The following ZNF623 variants were observed in gnomAD, a reference collection of about 807,000 sequenced individuals.
ZNF623 encodes zinc finger protein 623.
In ZNF623, 16 loss-of-function variants were observed where a neutral mutation model predicts 24.0. The ratio of observed to expected loss-of-function variants is 0.67; its 90% CI spans 0.45 to 1.01. The LOEUF (loss-of-function observed/expected upper bound fraction) is 1.01. Ranked by LOEUF, ZNF623 falls within the 50% of genes least tolerant of loss-of-function variation. The pLI is 0.00. For missense variants in ZNF623, 566 were observed against 606.5 expected (o/e 0.93, Z 0.70); for synonymous variants, 224 against 219.8 (o/e 1.02, Z -0.17).
At chr8:143,644,076 G>A (rs1002763802) in intron 1 of ZNF623, among the ~76,000 whole-genome samples, 2 of 151,956 alleles carry the variant, frequency 1.3e-5, no homozygotes, top group African/African-American at 4.8e-5. Context: ...GCTGGAGTAC[G>A]GTGTTGTGAT....
At chr8:143,644,356 T>C (rs926885559) in intron 1 of ZNF623, among the ~76,000 whole-genome samples, 14 of 152,166 alleles carry the variant, frequency 9.2e-5, no homozygotes, top group African/African-American at 3.4e-4. Context: ...TCCAGTTTTA[T>C]TTACTGGCTT....
At chr8:143,641,148 T>C (rs1010167583) in intron 1 of ZNF623, among the ~76,000 whole-genome samples, 10 of 152,160 alleles carry the variant, frequency 6.6e-5, no homozygotes, top group African/African-American at 2.4e-4. Flanking sequence ...TTTTCCAAAA[T>C]ACCAAATGTT....
At position 143,651,559 on chromosome 8, in the gene ZNF623, G is replaced by A; in HGVS notation, c.*76G>A. On this transcript the variant is annotated 3_prime_UTR_variant, in exon 2 of 2. Coordinates refer to ENST00000526926, the MANE Select transcript of ZNF623 (RefSeq NM_001261843.2). ...GGATTCATGTGGTTTCTAAGATTTGGACATGTCAGAATTTTGTGAGTCATG... is the reference window on the plus strand; with the variant it reads ...GGATTCATGTGGTTTCTAAGATTTGAACATGTCAGAATTTTGTGAGTCATG... The A allele has an allele frequency of 6.7e-7, 1 of 1,498,760 alleles. No individual in the cohort carries two copies. Among genetic ancestry groups the A allele is most frequent in the South Asian group, 1.4e-5 (1 of 73,406 alleles). The allele number at this position is 1,498,760 out of a possible 1,614,324, so 92.8% of individuals were successfully genotyped here.
rs1815390807 is a variant in ZNF623 at position 143,653,693 on chromosome 8, A to T, written c.*2210A>T. ...TTTACTATGTGTTCTTTTGCGTCTG[A>T]TGTCTCACTTTGGCATGTTTTTAGA... On this transcript the variant is annotated 3_prime_UTR_variant, in exon 2 of 2. Transcript: ENST00000526926. 1.2e-5 allele frequency: 2 copies of T among 167,130 alleles called. No individual in the cohort carries two copies. Among genetic ancestry groups the T allele is most frequent in the Non-Finnish European group, 1.5e-5 (1 of 68,110 alleles). 10.4% of individuals were successfully genotyped at this position (167,130 alleles called of 1,614,324 possible).
chr8:143,649,276 TA>T (rs538948599), intron 1 of ZNF623, among the ~76,000 whole-genome samples: 197 of 130,768 alleles, frequency 1.5e-3, no homozygotes, highest in Middle Eastern at 3.8e-3. Context: ...AGACTCCATC[TA>T]AAAAAAAAAA....
intron 1 of ZNF623, among the ~76,000 whole-genome samples, chr8:143,643,961 A>G (rs1815115845): frequency 6.6e-6 from 1 of 152,118 alleles, no homozygotes; most frequent in South Asian, 2.1e-4. Flanking sequence ...CCTTGAAAAT[A>G]TCCTCACTGT....
At chr8:143,639,150 C>T (rs1468728907) in intron 1 of ZNF623, among the ~76,000 whole-genome samples, 1 of 151,834 alleles carries the variant, frequency 6.6e-6, no homozygotes, top group Non-Finnish European at 1.5e-5. Context: ...CCTCGGCCTC[C>T]CAAAGTGCTG....
rs995597316 is a variant in ZNF623, at chr8:143,651,563, T to G, written c.*80T>G. 2 of 1,492,930 alleles carry G rather than the reference T, an allele frequency of 1.3e-6. No individual in the cohort carries two copies. Among genetic ancestry groups the G allele is most frequent in the African/African-American group, 1.4e-5 (1 of 71,040 alleles). 92.5% of individuals were successfully genotyped at this position (1,492,930 alleles called of 1,614,324 possible). ...TCATGTGGTTTCTAAGATTTGGACA[T>G]GTCAGAATTTTGTGAGTCATGGATG... is the stretch of plus-strand genomic sequence containing the variant. On this transcript the variant is annotated 3_prime_UTR_variant, in exon 2 of 2. Coordinates refer to ENST00000526926, the MANE Select transcript of ZNF623 (RefSeq NM_001261843.2).
rs140388396 is a variant in ZNF623, at chr8:143,651,580, T to A, written c.*97T>A. 4.3e-5 allele frequency: 61 copies of A among 1,418,850 alleles called. No individual in the cohort carries two copies. The African/African-American group carries it at 8.1e-4, about 19-fold the overall frequency. The allele number at this position is 1,418,850 out of a possible 1,614,324, so 87.9% of individuals were successfully genotyped here. ...TTTGGACATGTCAGAATTTTGTGAG[T>A]CATGGATGGGGCTGCTTTTGCAGTG... On this transcript the variant is annotated 3_prime_UTR_variant, in exon 2 of 2. Coordinates refer to ENST00000526926, the MANE Select transcript of ZNF623 (RefSeq NM_001261843.2).
intron 1 of ZNF623, among the ~76,000 whole-genome samples, chr8:143,645,271 C>G (rs1367623282): frequency 6.6e-6 from 1 of 152,092 alleles, no homozygotes; most frequent in Admixed American, 6.6e-5. Flanking sequence ...GAAACCCCGT[C>G]TCTCCTAAAA....
chr8:143,650,467 C>T lies in ZNF623; in HGVS notation c.475C>T (p.Arg159Cys), dbSNP rs372174669. The change falls in exon 2 of 2, where the codon CGC becomes TGC. Residue 159 changes from arginine to cysteine, a missense_variant. Around this residue, in one of 3 missense-constraint regions of ZNF623, gnomAD observed 313 missense variants for 300.4 expected, o/e 1.04. Transcript: ENST00000526926. The surrounding 1 kb of genome is among the most constrained non-coding windows in gnomAD (Gnocchi z 5.2). ...CTATTCAGGTCTCATTGAGCATCAGCGCGTTCATTCAGGAGAAAAGCCCTT... is the reference window on the plus strand; with the variant it reads ...CTATTCAGGTCTCATTGAGCATCAGTGCGTTCATTCAGGAGAAAAGCCCTT... ...IHYSGLIEHQRVHSGEKPFKC... is the reference protein window; with the variant it reads ...IHYSGLIEHQCVHSGEKPFKC... The T allele has an allele frequency of 1.5e-5, 24 of 1,613,816 alleles. No individual in the cohort carries two copies. Among genetic ancestry groups the T allele is most frequent in the Middle Eastern group, 1.6e-4 (1 of 6,084 alleles).
At position 143,651,157 on chromosome 8, in the gene ZNF623, A is replaced by G. The variant is rs774930710; in HGVS notation, c.1165A>G (p.Arg389Gly). 1.2e-6 allele frequency: 2 copies of G among 1,614,060 alleles called. No individual in the cohort carries two copies. ...GCACCAGAAGATCCACTCTGGGGAC[A>G]GGCCCTTCGAATGTAAAGACTGTGG... ...TEHQKIHSGDRPFECKDCGKA... is the reference protein window; with the variant it reads ...TEHQKIHSGDGPFECKDCGKA... Residue 389 changes from arginine (R) to glycine (G), a missense_variant, in exon 2 of 2, where the codon AGG becomes GGG. This residue lies in a region of ZNF623 where 136 missense variants were observed against 131.9 expected (regional missense o/e 1.03). Transcript: ENST00000526926.
chr8:143,647,587 G>T (rs549932282), intron 1 of ZNF623, among the ~76,000 whole-genome samples: 1 of 152,320 alleles, frequency 6.6e-6, no homozygotes, highest in South Asian at 2.1e-4. Context: ...AAGTGCAAAG[G>T]CTCCGAGGGG....
rs1485521996 is a variant in ZNF623, at chr8:143,650,706, C to G, written c.714C>G (p.Leu238=). Reference sequence around the variant, plus strand: ...AATCCTTCATAAGGAGCTCGAGCCTCATTCGCCATTATCAGATCCACACAG... The same window carrying G: ...AATCCTTCATAAGGAGCTCGAGCCTGATTCGCCATTATCAGATCCACACAG... The part of the protein sequence containing the change: ...CGKSFIRSSS[L]IRHYQIHTEV... The change falls in exon 2 of 2, where the codon CTC becomes CTG. Residue 238 remains leucine (L), a synonymous_variant. Transcript: ENST00000526926. This position sits in a 1 kb window ranked among gnomAD's most constrained non-coding sequence, Gnocchi z 5.2. 3 of 1,613,804 alleles carry G rather than the reference C, an allele frequency of 1.9e-6. No homozygotes were observed. In the Middle Eastern group the frequency reaches 4.9e-4, roughly 266 times the overall value.
chr8:143,645,613 G>A (rs541077336), intron 1 of ZNF623, among the ~76,000 whole-genome samples: 30 of 152,240 alleles, frequency 2.0e-4, no homozygotes, highest in South Asian at 1.5e-3. Context: ...CATCTATGAG[G>A]GAAAAAGTGA....
At chr8:143,643,639 C>T (rs144966108) in intron 1 of ZNF623, among the ~76,000 whole-genome samples, 2 of 152,328 alleles carry the variant, frequency 1.3e-5, no homozygotes, top group African/African-American at 4.8e-5. Context: ...ACCATGTGCC[C>T]CTGCCAGTGA....
intron 1 of ZNF623, among the ~76,000 whole-genome samples, chr8:143,637,710 C>G (rs553815092): frequency 4.4e-4 from 67 of 152,082 alleles, no homozygotes; most frequent in Non-Finnish European, 8.7e-4. Context: ...GCACCACGTC[C>G]GGCTAATTTT....
At chr8:143,649,625 C>A in intron 1 of ZNF623, 1 of 486,914 alleles carries the variant, frequency 2.1e-6, no homozygotes, top group Non-Finnish European at 3.6e-6. Flanking sequence ...CTCTGCAACT[C>A]ATCCAGGATT....
At chr8:143,647,536 T>C (rs73369346) in intron 1 of ZNF623, among the ~76,000 whole-genome samples, 5 of 152,138 alleles carry the variant, frequency 3.3e-5, no homozygotes, top group Non-Finnish European at 5.9e-5. Context: ...GAAGGACATC[T>C]AGGAGTGAAC....
Sources: gnomAD v4.1 joint callset for allele counts (sites outside exome capture counted in the v4.1 genomes callset) on GRCh38, gnomAD v4.1.1 for gene constraint, gnomAD v4.1.1 regional missense constraint, Gnocchi (gnomAD v3.1) non-coding constraint, MANE v1.5 for transcripts, NCBI Gene and HGNC (gene_info 2026-07-23, HGNC 2026-07-21) for gene names.